JAK2: variants seen among roughly 807,000 people sequenced by gnomAD.
JAK2 encodes the protein Janus kinase 2, also known as tyrosine-protein kinase JAK2.
Under a neutral mutation model 139.3 loss-of-function variants are expected in JAK2, and 86 were observed. The observed-to-expected ratio is 0.62, with a 90% CI of 0.52 to 0.74. JAK2 has a LOEUF of 0.74. Ranked by LOEUF, JAK2 falls within the 30% of genes least tolerant of loss-of-function variation. The pLI, the probability that JAK2 is intolerant of heterozygous loss-of-function variation, is 0.00. For missense variants in JAK2, 1,421 were observed against 1,360.3 expected, an observed-to-expected ratio of 1.04 and a Z score of -0.70; for synonymous variants, 490 against 437.7, an observed-to-expected ratio of 1.12 and a Z score of -1.49.
intron 22 of JAK2, chr9:5,114,544 G>T: frequency 8.4e-6 from 4 of 474,546 alleles, no homozygotes; most frequent in South Asian, 1.7e-5. Context: ...CAGGACAAGC[G>T]CACCCTCACC....
chr9:5,007,949 G>A (rs1273383405), intron 2 of JAK2, among the ~76,000 whole-genome samples: 1 of 151,878 alleles, frequency 6.6e-6, no homozygotes, highest in African/African-American at 2.4e-5. Flanking sequence ...GGCTGGCCTG[G>A]AATTCCTGAC....
At chr9:5,079,148 C>G (rs909982716) in intron 16 of JAK2, among the ~76,000 whole-genome samples, 1 of 152,080 alleles carries the variant, frequency 6.6e-6, no homozygotes, top group Admixed American at 6.6e-5. Flanking sequence ...GGCAGTAGTA[C>G]AGGAGTAGGG....
chr9:5,096,398 G>T (rs936603484), intron 22 of JAK2, among the ~76,000 whole-genome samples: 1 of 152,106 alleles, frequency 6.6e-6, no homozygotes, highest in Non-Finnish European at 1.5e-5. Flanking sequence ...CTTTAATTAA[G>T]CTAAGTCCTT....
rs1823344960 is a variant in JAK2, at chr9:5,118,118, G to A, written c.3060-4886G>A. Among the ~76,000 whole-genome samples the A allele has an allele frequency of 4.6e-5, 7 of 152,072 alleles. No homozygotes were observed. In the South Asian group the frequency reaches 8.3e-4, roughly 18 times the overall value. On this transcript the variant is annotated intron_variant, in intron 22 of 24. Transcript: ENST00000381652. ...AGTGCTTGCAGTGAGCGGAGACCTC[G>A]CCACTGCACTCCAGCCTGGGCGACA... is the stretch of plus-strand genomic sequence containing the variant.
intron 19 of JAK2, among the ~76,000 whole-genome samples, chr9:5,083,951 A>G (rs1368271255): frequency 1.3e-5 from 2 of 152,012 alleles, no homozygotes; most frequent in Admixed American, 6.5e-5. Flanking sequence ...TCATATATCA[A>G]GATTTTCCCA....
At chr9:5,005,200 T>G (rs1821216275) in intron 2 of JAK2, among the ~76,000 whole-genome samples, 1 of 147,700 alleles carries the variant, frequency 6.8e-6, no homozygotes, top group African/African-American at 2.5e-5. Context: ...TCCTCCCACC[T>G]TGGCCTCCCA....
chr9:5,057,214 G>C (rs1313841749), intron 8 of JAK2, among the ~76,000 whole-genome samples: 1 of 149,120 alleles, frequency 6.7e-6, no homozygotes, highest in Non-Finnish European at 1.5e-5. Context: ...TTTTTCTGTT[G>C]TTTATTAAAA....
At chr9:5,111,647 TCGTCCCTCC>T (rs780376811) in intron 22 of JAK2, 2 of 387,642 alleles carry the variant, frequency 5.2e-6, no homozygotes, top group Non-Finnish European at 1.0e-5. Flanking sequence ...CTCATGCCCC[TCGTCCCTCC>T]CGCCCAGCAG....
intron 22 of JAK2, chr9:5,110,776 G>GT: frequency 2.5e-6 from 1 of 393,896 alleles, no homozygotes; most frequent in South Asian, 2.0e-5. Flanking sequence ...TGCAGGAGTG[G>GT]TAAGGGCCCG....
At chr9:5,103,697 C>CGT (rs1821714192) in intron 22 of JAK2, among the ~76,000 whole-genome samples, 1 of 152,064 alleles carries the variant, frequency 6.6e-6, no homozygotes, top group Admixed American at 6.5e-5. Context: ...CGTAAAAGAA[C>CGT]AGATATCACA....
At chr9:5,005,083 A>ATTTTTTTTT (rs527982744) in intron 2 of JAK2, among the ~76,000 whole-genome samples, 1 of 40,034 alleles carries the variant, frequency 2.5e-5, no homozygotes, top group Non-Finnish European at 4.5e-5. Flanking sequence ...TGCCTGGCTA[A>ATTTTTTTTT]TTTTTTTTTT....
chr9:5,034,764 T>A (rs541843365), intron 4 of JAK2, among the ~76,000 whole-genome samples: 1 of 151,788 alleles, frequency 6.6e-6, no homozygotes, highest in Non-Finnish European at 1.5e-5. Flanking sequence ...TTTATAGCAC[T>A]AAAGGCCCAC....
At chr9:5,095,463 G>A (rs547370104) in intron 22 of JAK2, among the ~76,000 whole-genome samples, 6 of 152,016 alleles carry the variant, frequency 3.9e-5, no homozygotes, top group African/African-American at 1.2e-4. Flanking sequence ...TCAACAACCC[G>A]TCCTCCGGGC....
chr9:5,040,971 T>C (rs1816455088), intron 4 of JAK2: 2 of 577,478 alleles, frequency 3.5e-6, no homozygotes, highest in South Asian at 1.6e-5. Context: ...CAAACAAATA[T>C]GTGGCTATCA....
At chr9:5,023,650 C>T (rs535817312) in intron 3 of JAK2, among the ~76,000 whole-genome samples, 1 of 152,318 alleles carries the variant, frequency 6.6e-6, no homozygotes, top group African/African-American at 2.4e-5. Flanking sequence ...TCTTGCCAAT[C>T]CCGGCTGGGC....
At chr9:5,105,936 G>A (rs536129760) in intron 22 of JAK2, among the ~76,000 whole-genome samples, 1 of 152,322 alleles carries the variant, frequency 6.6e-6, no homozygotes, top group African/African-American at 2.4e-5. Context: ...AGACTTAAAT[G>A]TTAGACTTAA....
At chr9:5,005,288 C>G (rs1821222896) in intron 2 of JAK2, among the ~76,000 whole-genome samples, 1 of 151,258 alleles carries the variant, frequency 6.6e-6, no homozygotes, top group Non-Finnish European at 1.5e-5. Flanking sequence ...CGGTCCTTTG[C>G]CCATTTTTAA....
chr9:5,077,319 C>G (rs1299052463), intron 14 of JAK2, 134 bp from the exon 15 acceptor site: 4 of 309,444 alleles, frequency 1.3e-5, no homozygotes, highest in Non-Finnish European at 2.3e-5. Flanking sequence ...ATTAAGTTTT[C>G]TTTAAAGTTG....
intron 8 of JAK2, among the ~76,000 whole-genome samples, chr9:5,061,303 T>C (rs972714396): frequency 6.6e-6 from 1 of 152,256 alleles, no homozygotes; most frequent in African/African-American, 2.4e-5. Flanking sequence ...TTCTCCTCTC[T>C]AGCTGTGGAA....
Sources: gnomAD v4.1 joint callset for allele counts (sites outside exome capture counted in the v4.1 genomes callset) on GRCh38, gnomAD v4.1.1 for gene constraint, MANE v1.5 for transcripts, NCBI Gene and HGNC (gene_info 2026-07-23, HGNC 2026-07-21) for gene names.